Variants in HEATR6 observed in about 807,000 individuals in gnomAD.
HEATR6 encodes the protein HEAT repeat-containing protein 6.
A neutral mutation model predicts 132.8 loss-of-function variants in HEATR6; 106 were observed. That is an observed-to-expected ratio of 0.80 (90% CI 0.68 to 0.94). HEATR6 has a LOEUF of 0.94. Ranked by LOEUF, HEATR6 falls within the 40% of genes least tolerant of loss-of-function variation. The pLI, the probability that HEATR6 is intolerant of heterozygous loss-of-function variation, is 0.00. For missense variants in HEATR6, 1,339 were observed against 1,425.1 expected (o/e 0.94, Z 0.97); for synonymous variants, 529 against 537.8 (o/e 0.98, Z 0.23).
At chr17:60,053,162 C>T (rs1470233479) in intron 14 of HEATR6, among the ~76,000 whole-genome samples, 1 of 152,128 alleles carries the variant, frequency 6.6e-6, no homozygotes, top group Non-Finnish European at 1.5e-5. Context: ...TGAGTTCTTA[C>T]TCTGTTATTC....
chr17:60,074,874 T>C (rs530222049), intron 2 of HEATR6, among the ~76,000 whole-genome samples: 2 of 152,276 alleles, frequency 1.3e-5, no homozygotes, highest in African/African-American at 4.8e-5. Context: ...AGCCAAAATA[T>C]CAATAGTGCT....
Position 60,049,643 on chromosome 17 carries a change from G to A in HEATR6, c.2484C>T (p.Arg828=), listed in dbSNP as rs755473667. The change falls in exon 16 of 20, where the codon CGC becomes CGT. Residue 828 remains arginine (R), a synonymous_variant. Coordinates refer to ENST00000184956, the MANE Select transcript of HEATR6 (RefSeq NM_022070.5). ...VLLGLNDSKN[R]LVKAATSRAL... Reference sequence around the variant, plus strand: ...CCCGTGAAGTTGCAGCTTTCACTAAGCGATTCTTGCTGTCATTCAGCCCGA... The same window carrying A: ...CCCGTGAAGTTGCAGCTTTCACTAAACGATTCTTGCTGTCATTCAGCCCGA... 9 of 1,613,780 alleles carry A rather than the reference G, an allele frequency of 5.6e-6. No individual in the cohort carries two copies. In the East Asian group the frequency reaches 6.7e-5, roughly 12 times the overall value.
At chr17:60,061,677 A>G (rs1188785107) in intron 9 of HEATR6, among the ~76,000 whole-genome samples, 1 of 152,254 alleles carries the variant, frequency 6.6e-6, no homozygotes, top group Non-Finnish European at 1.5e-5. Flanking sequence ...TATAATTTTC[A>G]CATATCACGA....
rs762481328 is a variant in HEATR6 at position 60,047,412 on chromosome 17, C to T, written c.2673-7G>A. 19 of 1,581,158 alleles carry T rather than the reference C, an allele frequency of 1.2e-5. No individual in the cohort carries two copies. The highest frequency in any genetic ancestry group is 4.1e-5 in the African/African-American group (3 of 74,056). ...ACTTGGGTCTGGTGTTTCCCTGTTC[C>T]ACCCAAAGCAGACAACACATGTTAA... On this transcript the variant is annotated splice_polypyrimidine_tract_variant and splice_region_variant and intron_variant, in intron 17 of 19. Transcript: ENST00000184956.
chr17:60,048,272 A>C lies in HEATR6; in HGVS notation c.2664T>G (p.Ile888Met), dbSNP rs772614817. Residue 888 changes from isoleucine to methionine, a missense_variant, in exon 17 of 20, where the codon ATT becomes ATG. By Grantham distance (10) the Ile-to-Met change is conservative. Coordinates refer to ENST00000184956, the MANE Select transcript of HEATR6 (RefSeq NM_022070.5). ...CAAGCTCAGTCACCTACATGTTGACAATCAGAGTGTCTGTCAGGTTGCCCA... is the reference window on the plus strand; with the variant it reads ...CAAGCTCAGTCACCTACATGTTGACCATCAGAGTGTCTGTCAGGTTGCCCA... ...WSLGNLTDTL[I>M]VNMETPDPSF... 1 of 1,613,212 alleles carries C rather than the reference A, an allele frequency of 6.2e-7. No homozygotes were observed. Among genetic ancestry groups the C allele is most frequent in the East Asian group, 2.2e-5 (1 of 44,870 alleles).
intron 9 of HEATR6, chr17:60,063,110 A>T (rs2083220835): frequency 6.6e-6 from 1 of 152,234 alleles, no homozygotes; most frequent in South Asian, 2.1e-4. Context: ...TTGCTAATAC[A>T]CTAAGCAAAG....
At chr17:60,077,544 A>G (rs969448917) in intron 1 of HEATR6, among the ~76,000 whole-genome samples, 6 of 152,196 alleles carry the variant, frequency 3.9e-5, no homozygotes, top group African/African-American at 1.4e-4. Context: ...CAGACCTTTT[A>G]CTTTGCATAT....
In HEATR6 at chr17:60,042,762, C is replaced by T. The variant is rs1190268766; in HGVS notation, c.*801G>A. On this transcript the variant is annotated 3_prime_UTR_variant, in exon 20 of 20. Coordinates refer to ENST00000184956, the MANE Select transcript of HEATR6 (RefSeq NM_022070.5). ...GGCTGTGAGGCACCGTCAGCATCCT[C>T]GCGTCCTGTGTGGCTGTGAGGCACC... Among the ~76,000 whole-genome samples the T allele has an allele frequency of 1.5e-4, 10 of 66,730 alleles. No individual in the cohort carries two copies. The highest frequency in any genetic ancestry group is 8.5e-3 in the Middle Eastern group (1 of 118). The allele number at this position is 66,730 out of a possible 152,430, so 43.8% of individuals were successfully genotyped here. A position where few individuals can be genotyped will look rare whatever the true frequency, so the allele number is the denominator to read the frequency against.
In HEATR6 at chr17:60,055,693, T is replaced by G. The variant is rs553646207; in HGVS notation, c.2203-92A>C. 37 of 762,778 alleles carry G rather than the reference T, an allele frequency of 4.9e-5. No individual in the cohort carries two copies. The East Asian group carries it at 6.6e-4, about 14-fold the overall frequency. 47.3% of individuals were successfully genotyped at this position (762,778 alleles called of 1,614,324 possible). On this transcript the variant is annotated intron_variant, in intron 13 of 19. Coordinates refer to ENST00000184956, the MANE Select transcript of HEATR6 (RefSeq NM_022070.5). ...CTTCACTCTAGTAACACCTTCACTC[T>G]AGTAACACCTCCACTCGAGTAACAC... is the stretch of plus-strand genomic sequence containing the variant.
chr17:60,055,439 A>T, intron 14 of HEATR6, 76 bp downstream of exon 14: 1 of 946,230 alleles, frequency 1.1e-6, no homozygotes, highest in Non-Finnish European at 1.6e-6. Context: ...CATCTACTCC[A>T]TTTATCACTG....
intron 5 of HEATR6, among the ~76,000 whole-genome samples, chr17:60,071,373 T>C (rs1442264779): frequency 6.6e-6 from 1 of 152,186 alleles, no homozygotes; most frequent in African/African-American, 2.4e-5. Flanking sequence ...TTTTAAAAAC[T>C]TCAATTTTGA....
intron 13 of HEATR6, among the ~76,000 whole-genome samples, 195 bp downstream of exon 13, chr17:60,055,920 G>A (rs527872320): frequency 5.3e-5 from 8 of 152,200 alleles, no homozygotes; most frequent in African/African-American, 1.4e-4. Context: ...GAGTCAATGC[G>A]TGGGGTTTAT....
intron 6 of HEATR6, among the ~76,000 whole-genome samples, 165 bp from the exon 7 acceptor site, chr17:60,070,013 T>C (rs1324821704): frequency 2.0e-5 from 3 of 152,200 alleles, no homozygotes; most frequent in Non-Finnish European, 4.4e-5. Context: ...AGAAAATAGA[T>C]ACCTTGAAGG....
intron 1 of HEATR6, among the ~76,000 whole-genome samples, chr17:60,077,946 T>C (rs774992977): frequency 1.1e-4 from 16 of 152,160 alleles, no homozygotes; most frequent in Non-Finnish European, 2.2e-4. Flanking sequence ...GAACCAGTGT[T>C]TGTGTCTGGT....
At chr17:60,048,429 C>G in intron 16 of HEATR6, 41 bp from the exon 17 acceptor site, 1 of 1,543,518 alleles carries the variant, frequency 6.5e-7, no homozygotes, top group Non-Finnish European at 8.8e-7. Flanking sequence ...TTTAGCAGGT[C>G]ATGCTGCTAC....
rs1462357324 is a variant in HEATR6, at chr17:60,048,254, A to G, written c.2672+10T>C. ...GAAGTCAGCTGGGGAAAGCAAGCTC[A>G]GTCACCTACATGTTGACAATCAGAG... On this transcript the variant is annotated intron_variant, in intron 17 of 19. Coordinates refer to ENST00000184956, the MANE Select transcript of HEATR6 (RefSeq NM_022070.5). The G allele has an allele frequency of 6.2e-7, 1 of 1,608,538 alleles. No homozygotes were observed. The highest frequency in any genetic ancestry group is 8.5e-7 in the Non-Finnish European group (1 of 1,176,196).
chr17:60,078,838 CG>C lies in HEATR6; in HGVS notation c.76del (p.Arg26GlufsTer72). The part of the protein sequence containing the change: ...REAPREAIPE[R>X]GNGFRLLSAR... ...AGACAAGAGGCGAAACCCATTGCCT[CG>C]CTCAGGGATTGCTTCCCGCGGTGCC... On this transcript the variant is annotated frameshift_variant, in exon 1 of 20. Coordinates refer to ENST00000184956, the MANE Select transcript of HEATR6 (RefSeq NM_022070.5). LOFTEE classifies it high-confidence loss of function. 6.2e-7 allele frequency: 1 copy of C among 1,604,066 alleles called. No homozygotes were observed. Among genetic ancestry groups the C allele is most frequent in the Non-Finnish European group, 8.5e-7 (1 of 1,176,734 alleles).
In HEATR6 at chr17:60,072,238, T is replaced by C. The variant is rs752600911; in HGVS notation, c.676A>G (p.Met226Val). Reference sequence around the variant, plus strand: ...ACCATGCAAAATGTGATATCATCCATATCAGATGATTTTGGAGACTGTAAA... The same window carrying C: ...ACCATGCAAAATGTGATATCATCCACATCAGATGATTTTGGAGACTGTAAA... ...TILQSPKSSD[M>V]DDITFCMLLQ... The change falls in exon 5 of 20, where the codon ATG becomes GTG. Residue 226 changes from methionine to valine, a missense_variant. Met to Val is a conservative substitution (Grantham distance 21, BLOSUM62 1). Coordinates refer to ENST00000184956, the MANE Select transcript of HEATR6 (RefSeq NM_022070.5). 15 of 1,589,374 alleles carry C rather than the reference T, an allele frequency of 9.4e-6. No homozygotes were observed. In the East Asian group the frequency reaches 3.1e-4, roughly 33 times the overall value.
In HEATR6 at chr17:60,066,308, A is replaced by C; in HGVS notation, c.1317T>G (p.Leu439=). Residue 439 remains leucine, a synonymous_variant, in exon 9 of 20, where the codon CTT becomes CTG. Transcript: ENST00000184956. ...GAATAAAAGCTGACCAGTAGCCATAAAGAACTTTTTTTTCTATCGATTTTA... is the reference window on the plus strand; with the variant it reads ...GAATAAAAGCTGACCAGTAGCCATACAGAACTTTTTTTTCTATCGATTTTA... ...STIKSIEKKV[L]YGYWSAFIPD... is the part of the protein sequence containing the mutation. 1 of 1,614,012 alleles carries C rather than the reference A, an allele frequency of 6.2e-7. No homozygotes were observed. The highest frequency in any genetic ancestry group is 8.5e-7 in the Non-Finnish European group (1 of 1,179,904).
Sources: allele counts gnomAD v4.1 joint callset (sites outside exome capture counted in the v4.1 genomes callset), GRCh38; gene constraint gnomAD v4.1.1; transcripts MANE v1.5; gene names NCBI Gene and HGNC (gene_info 2026-07-23, HGNC 2026-07-21).